Variants in MCC observed in about 807,000 individuals in gnomAD.
The protein encoded by MCC is MCC regulator of Wnt signaling pathway.
A neutral mutation model predicts 116.2 loss-of-function variants in MCC; 90 were observed. The observed-to-expected ratio is 0.77, with a 90% CI of 0.65 to 0.92. MCC has a LOEUF of 0.92. MCC is among the 40% of genes least tolerant of loss of function. MCC has a pLI of 0.00. For synonymous variants in MCC, 578 were observed against 510.5 expected, an observed-to-expected ratio of 1.13 and a Z score of -1.78; for missense variants, 1,516 against 1,312.2, an observed-to-expected ratio of 1.16 and a Z score of -2.40.
intron 3 of MCC, among the ~76,000 whole-genome samples, chr5:113,276,649 CAG>C (rs1765834178): frequency 6.6e-6 from 1 of 152,048 alleles, no homozygotes. Context: ...TTTTTTGAGA[CAG>C]GGTCTGGCTC....
intron 4 of MCC, among the ~76,000 whole-genome samples, chr5:113,144,729 G>A (rs2150286923): frequency 6.6e-6 from 1 of 152,306 alleles, no homozygotes; most frequent in South Asian, 2.1e-4. Context: ...GTAACTTCCT[G>A]GGGGTTACCT....
Position 113,067,298 on chromosome 5 carries a change from ACTT to A in MCC, c.2029+779_2029+781del, listed in dbSNP as rs199683620. Among the ~76,000 whole-genome samples, 406 of 152,294 alleles carry A rather than the reference ACTT, an allele frequency of 2.7e-3. 7 individuals carry two copies. The highest frequency in any genetic ancestry group is 0.021 in the Admixed American group (316 of 15,292). On this transcript the variant is annotated intron_variant, in intron 13 of 18. Transcript: ENST00000408903. The stretch of plus-strand genomic sequence containing the variant: ...GCTGACAAGAGCAGGGGGTGAAACT[ACTT>A]CTTCTTTGTTCGTAAGACACCTGGA...
chr5:113,212,981 T>C (rs1314508032), intron 3 of MCC, among the ~76,000 whole-genome samples: 1 of 152,264 alleles, frequency 6.6e-6, no homozygotes, highest in African/African-American at 2.4e-5. Flanking sequence ...ACATGTTCTT[T>C]CTGGTTCCAG....
At position 113,434,959 on chromosome 5, in the gene MCC, T is replaced by C; in HGVS notation, c.171-49747A>G. The stretch of plus-strand genomic sequence containing the variant: ...CCTTTGGGCTGGCCAGGCCTGCTGT[T>C]CCTGCCTCCTAGAGGCCAAGACTCT... On this transcript the variant is annotated intron_variant, in intron 1 of 18. Coordinates refer to ENST00000408903, the MANE Select transcript of MCC (RefSeq NM_001085377.2). The surrounding 1 kb of genome is among the most constrained non-coding windows in gnomAD (Gnocchi z 4.2). 1 of 1,275,430 alleles carries C rather than the reference T, an allele frequency of 7.8e-7. No individual in the cohort carries two copies. The highest frequency in any genetic ancestry group is 1.1e-6 in the Non-Finnish European group (1 of 931,312). 79.0% of individuals were successfully genotyped at this position (1,275,430 alleles called of 1,614,324 possible).
intron 3 of MCC, among the ~76,000 whole-genome samples, chr5:113,208,126 GGATAAAGCAGA>G (rs1277624446): frequency 1.3e-5 from 2 of 152,090 alleles, no homozygotes; most frequent in African/African-American, 4.8e-5. Flanking sequence ...GAGCCAATCT[GGATAAAGCAGA>G]GATATAGCCA....
intron 1 of MCC, among the ~76,000 whole-genome samples, chr5:113,457,777 G>C (rs1771617449): frequency 7.0e-6 from 1 of 142,076 alleles, no homozygotes; most frequent in Non-Finnish European, 1.5e-5. Context: ...TACTCTGGTG[G>C]GGCCTTGGAG....
intron 3 of MCC, among the ~76,000 whole-genome samples, chr5:113,202,055 A>C (rs1015021550): frequency 1.3e-5 from 2 of 152,038 alleles, no homozygotes; most frequent in African/African-American, 4.8e-5. Context: ...CCTTTACCAC[A>C]CAGGCTTTCC....
chr5:113,264,170 C>T (rs1161580864), intron 3 of MCC, among the ~76,000 whole-genome samples: 3 of 152,216 alleles, frequency 2.0e-5, no homozygotes, highest in African/African-American at 7.2e-5. Flanking sequence ...CAGCACACTT[C>T]GCTGCTGCAA....
intron 13 of MCC, among the ~76,000 whole-genome samples, chr5:113,067,427 G>A (rs1424181475): frequency 6.6e-6 from 1 of 152,186 alleles, no homozygotes; most frequent in East Asian, 1.9e-4. Flanking sequence ...ATCACCTGAG[G>A]TCAGGAGTTC....
chr5:113,279,694 G>A (rs777281610), intron 3 of MCC, among the ~76,000 whole-genome samples: 1 of 152,094 alleles, frequency 6.6e-6, no homozygotes, highest in Non-Finnish European at 1.5e-5. Flanking sequence ...GATGCATTAC[G>A]TTACCATTCT....
At chr5:113,245,100 C>T (rs997208234) in intron 3 of MCC, among the ~76,000 whole-genome samples, 10 of 151,810 alleles carry the variant, frequency 6.6e-5, no homozygotes, top group Admixed American at 2.0e-4. Flanking sequence ...GAGACCAGCC[C>T]GACCAATATG....
rs752601430 is a variant in MCC at position 113,093,352 on chromosome 5, C to G, written c.1399-8042G>C. ...CAGGCAGCTTGCTATGCAGGAGGATCGCTTAGCTTAGAATTCAAGGGTCGA... is the reference window on the plus strand; with the variant it reads ...CAGGCAGCTTGCTATGCAGGAGGATGGCTTAGCTTAGAATTCAAGGGTCGA... On this transcript the variant is annotated intron_variant, in intron 8 of 18. Coordinates refer to ENST00000408903, the MANE Select transcript of MCC (RefSeq NM_001085377.2). Among the ~76,000 whole-genome samples, 3 of 152,132 alleles carry G rather than the reference C, an allele frequency of 2.0e-5. 1 individual carries two copies. In the South Asian group the frequency reaches 6.2e-4, roughly 31 times the overall value.
At chr5:113,117,792 T>C (rs1757479266) in intron 6 of MCC, among the ~76,000 whole-genome samples, 1 of 152,224 alleles carries the variant, frequency 6.6e-6, no homozygotes. Flanking sequence ...TCTATTGCAA[T>C]ACCCAGAATC....
intron 3 of MCC, among the ~76,000 whole-genome samples, chr5:113,300,633 A>C (rs1283502268): frequency 6.6e-6 from 1 of 152,142 alleles, no homozygotes; most frequent in African/African-American, 2.4e-5. Flanking sequence ...GAGGATCATA[A>C]AAATTAGGGA....
intron 2 of MCC, among the ~76,000 whole-genome samples, chr5:113,362,497 T>TG (rs1768574256): frequency 6.6e-6 from 1 of 152,274 alleles, no homozygotes; most frequent in Non-Finnish European, 1.5e-5. Context: ...GTTCAACTCT[T>TG]GCAGATCCTT....
At chr5:113,206,412 T>C (rs755629444) in intron 3 of MCC, among the ~76,000 whole-genome samples, 28 of 152,180 alleles carry the variant, frequency 1.8e-4, no homozygotes, top group Non-Finnish European at 3.5e-4. Flanking sequence ...CAAATTATTT[T>C]CCAAATATTT....
intron 5 of MCC, among the ~76,000 whole-genome samples, chr5:113,138,244 C>T (rs1023418423): frequency 2.6e-5 from 4 of 152,254 alleles, no homozygotes; most frequent in Admixed American, 2.0e-4. Context: ...CTCCTGTCCT[C>T]AAGTGATCTG....
intron 1 of MCC, among the ~76,000 whole-genome samples, chr5:113,430,694 A>G (rs1021670089): frequency 6.6e-6 from 1 of 152,208 alleles, no homozygotes; most frequent in Non-Finnish European, 1.5e-5. Flanking sequence ...GTAGGAGGGC[A>G]TGGAAAAGTA....
chr5:113,368,823 C>T (rs1407367669), intron 2 of MCC, among the ~76,000 whole-genome samples: 3 of 152,168 alleles, frequency 2.0e-5, no homozygotes, highest in Non-Finnish European at 4.4e-5. Flanking sequence ...GGTTCAGTCC[C>T]TCAAGATGCC....
Sources: gnomAD v4.1 joint callset for allele counts (sites outside exome capture counted in the v4.1 genomes callset) on GRCh38, gnomAD v4.1.1 for gene constraint, Gnocchi (gnomAD v3.1) non-coding constraint, MANE v1.5 for transcripts, NCBI Gene and HGNC (gene_info 2026-07-23, HGNC 2026-07-21) for gene names.